Variants in SPTLC3 observed in about 807,000 individuals in gnomAD.
SPTLC3 encodes the protein serine palmitoyltransferase long chain base subunit 3.
A neutral mutation model predicts 59.3 loss-of-function variants in SPTLC3; 36 were observed. The observed-to-expected ratio is 0.61, with a 90% CI of 0.47 to 0.80. SPTLC3 has a LOEUF of 0.80. SPTLC3 is among the 30% of genes least tolerant of loss of function. The probability of loss-of-function intolerance (pLI) is 0.00; values close to 1 mark genes in which losing one functional copy is unlikely to be tolerated. For missense variants in SPTLC3, 625 were observed against 685.1 expected, an observed-to-expected ratio of 0.91 and a Z score of 0.98; for synonymous variants, 257 against 240.8, an observed-to-expected ratio of 1.07 and a Z score of -0.62.
In SPTLC3 at chr20:13,110,225, A is replaced by T. The variant is rs920209879; in HGVS notation, c.932+8A>T. 3.0e-5 allele frequency: 49 copies of T among 1,610,964 alleles called. No individual in the cohort carries two copies. The highest frequency in any genetic ancestry group is 3.6e-5 in the Non-Finnish European group (43 of 1,178,464). Reference sequence around the variant, plus strand: ...GGTGGAGGGTGTCTACAGGTATGTAAATAACAGGACACATTTTACGACTCG... The same window carrying T: ...GGTGGAGGGTGTCTACAGGTATGTATATAACAGGACACATTTTACGACTCG... On this transcript the variant is annotated splice_region_variant and intron_variant, in intron 7 of 11. Transcript: ENST00000399002.
chr20:13,045,037 C>T (rs1346937), intron 1 of SPTLC3, among the ~76,000 whole-genome samples: 52,057 of 147,732 alleles, frequency 0.35, 9,222 homozygotes, highest in South Asian at 0.47. Context: ...ACACACACAC[C>T]CTACTGCACT....
rs530875345 is a variant in SPTLC3, at chr20:13,012,963, C to T, written c.117+3579C>T. Among the ~76,000 whole-genome samples, 5 of 152,254 alleles carry T rather than the reference C, an allele frequency of 3.3e-5. No individual in the cohort carries two copies. In the East Asian group the frequency reaches 9.7e-4, roughly 29 times the overall value. On this transcript the variant is annotated intron_variant, in intron 1 of 11. Transcript: ENST00000399002. ...AAATGAGGAAAAGACAGGAAAGGAACTCCAGAGATGAATGTAGGAGTTGCT... is the reference window on the plus strand; with the variant it reads ...AAATGAGGAAAAGACAGGAAAGGAATTCCAGAGATGAATGTAGGAGTTGCT...
At chr20:13,022,143 C>T (rs921868536) in intron 1 of SPTLC3, among the ~76,000 whole-genome samples, 12 of 152,148 alleles carry the variant, frequency 7.9e-5, no homozygotes, top group African/African-American at 2.9e-4. Context: ...CAACTCTATC[C>T]TTCTTGTGGC....
At chr20:13,011,826 A>C (rs1985269794) in intron 1 of SPTLC3, among the ~76,000 whole-genome samples, 1 of 152,080 alleles carries the variant, frequency 6.6e-6, no homozygotes, top group Non-Finnish European at 1.5e-5. Context: ...GTTTATTCCC[A>C]ACATGGCCTC....
At chr20:13,144,929 C>T (rs1279527113) in intron 9 of SPTLC3, among the ~76,000 whole-genome samples, 1 of 152,116 alleles carries the variant, frequency 6.6e-6, no homozygotes, top group African/African-American at 2.4e-5. Context: ...CACCCGCCAC[C>T]ACGCCCAGCT....
At chr20:13,080,777 T>G (rs1988816318) in intron 4 of SPTLC3, among the ~76,000 whole-genome samples, 1 of 152,144 alleles carries the variant, frequency 6.6e-6, no homozygotes, top group African/African-American at 2.4e-5. Context: ...TTTTGAGCAA[T>G]TTTGTCTTTA....
chr20:13,013,780 A>G (rs1002692594), intron 1 of SPTLC3, among the ~76,000 whole-genome samples: 5 of 152,230 alleles, frequency 3.3e-5, no homozygotes, highest in African/African-American at 1.2e-4. Flanking sequence ...ACAGTTATCT[A>G]TTCCTATGTA....
In SPTLC3 at chr20:13,067,032, AT is replaced by A. The variant is rs66770145; in HGVS notation, c.304-5223del. Among the ~76,000 whole-genome samples the A allele has an allele frequency of 1.2e-3, 57 of 49,250 alleles. 16 individuals carry two copies. The highest frequency in any genetic ancestry group is 2.2e-3 in the South Asian group (4 of 1,788). The allele number at this position is 49,250 out of a possible 152,430, so 32.3% of individuals were successfully genotyped here. On this transcript the variant is annotated intron_variant, in intron 2 of 11. Transcript: ENST00000399002. ...ATTGTTCTGTTATGTTTATATAAAA[AT>A]GTCACTTCTACATATATATATATAT...
chr20:13,112,920 T>C (rs1380954365), intron 7 of SPTLC3, among the ~76,000 whole-genome samples: 4 of 152,208 alleles, frequency 2.6e-5, no homozygotes, highest in African/African-American at 9.6e-5. Flanking sequence ...CAGTGGCTCA[T>C]GCCTGTAATC....
intron 9 of SPTLC3, among the ~76,000 whole-genome samples, chr20:13,141,533 T>C (rs1433785618): frequency 6.6e-6 from 1 of 152,188 alleles, no homozygotes; most frequent in Admixed American, 6.5e-5. Context: ...GTTTGCTCCA[T>C]TTTTCTAAGG....
chr20:13,100,819 G>A (rs924864400), intron 6 of SPTLC3, among the ~76,000 whole-genome samples: 13 of 152,298 alleles, frequency 8.5e-5, no homozygotes, highest in South Asian at 4.2e-4. Context: ...TATATGACCT[G>A]CCTAAGGTCA....
rs1157979657 is a variant in SPTLC3 at position 13,058,202 on chromosome 20, A to G, written c.303+9072A>G. 2.0e-5 allele frequency among the ~76,000 whole-genome samples: 3 copies of G among 152,212 alleles called. No homozygotes were observed. In the East Asian group the frequency reaches 5.8e-4, roughly 29 times the overall value. On this transcript the variant is annotated intron_variant, in intron 2 of 11. Coordinates refer to ENST00000399002, the MANE Select transcript of SPTLC3 (RefSeq NM_018327.4). ...AAATATCTAAATGTTTGCATAAATT[A>G]TAAATTGTTATTTTGCATCCACATT...
At chr20:13,017,988 G>A (rs1243964719) in intron 1 of SPTLC3, among the ~76,000 whole-genome samples, 2 of 152,166 alleles carry the variant, frequency 1.3e-5, no homozygotes, top group East Asian at 1.9e-4. Context: ...GAAGTTCAAG[G>A]AGAGAAACCA....
intron 1 of SPTLC3, among the ~76,000 whole-genome samples, chr20:13,034,799 A>C (rs1986661948): frequency 6.6e-6 from 1 of 152,102 alleles, no homozygotes; most frequent in Admixed American, 6.6e-5. Context: ...CCAAAAAAAA[A>C]ATGCTGTTAT....
chr20:13,117,262 G>T (rs927792010), intron 7 of SPTLC3, among the ~76,000 whole-genome samples: 3 of 152,222 alleles, frequency 2.0e-5, no homozygotes, highest in African/African-American at 7.2e-5. Flanking sequence ...TTGTTTGCTT[G>T]AGAATTAGCT....
intron 2 of SPTLC3, among the ~76,000 whole-genome samples, chr20:13,062,565 TTAAAC>T (rs1487545875): frequency 6.6e-6 from 1 of 152,256 alleles, no homozygotes; most frequent in East Asian, 1.9e-4. Context: ...AAGCCACTTC[TTAAAC>T]TAATGTTTTC....
intron 9 of SPTLC3, among the ~76,000 whole-genome samples, chr20:13,129,849 T>C (rs1600341699): frequency 6.6e-6 from 1 of 152,224 alleles, no homozygotes; most frequent in Non-Finnish European, 1.5e-5. Context: ...CTTGCTTCTC[T>C]CTCTTAGCCT....
At chr20:13,046,809 G>C (rs6134754) in intron 1 of SPTLC3, among the ~76,000 whole-genome samples, 1 of 152,036 alleles carries the variant, frequency 6.6e-6, no homozygotes, top group Non-Finnish European at 1.5e-5. Flanking sequence ...TGAATCCCCA[G>C]TGCTGAACAT....
intron 5 of SPTLC3, among the ~76,000 whole-genome samples, chr20:13,091,612 G>T (rs913092056): frequency 1.3e-5 from 2 of 151,792 alleles, no homozygotes; most frequent in Admixed American, 1.3e-4. Context: ...TGGCTGAGAA[G>T]GTTCTTTTCG....
Sources: allele counts gnomAD v4.1 joint callset (sites outside exome capture counted in the v4.1 genomes callset), GRCh38; gene constraint gnomAD v4.1.1; transcripts MANE v1.5; gene names NCBI Gene and HGNC (gene_info 2026-07-23, HGNC 2026-07-21).